Variants in POLE observed in about 807,000 individuals in gnomAD.
POLE encodes DNA polymerase epsilon, catalytic subunit.
A neutral mutation model predicts 279.2 loss-of-function variants in POLE; 188 were observed. That is an observed-to-expected ratio of 0.67 (90% CI 0.60 to 0.76). POLE has a LOEUF of 0.76. Among genes scored for constraint, POLE ranks in the 30% least tolerant of loss-of-function variants. The pLI is 0.00. For missense variants in POLE, 2,703 were observed against 3,016.7 expected (o/e 0.90, Z 2.44); for synonymous variants, 1,214 against 1,172.5 (o/e 1.04, Z -0.72).
chr12:132,625,071 C>T (rs959156156), intron 47 of POLE, 77 bp from the exon 48 acceptor site: 7 of 1,078,048 alleles, frequency 6.5e-6, no homozygotes, highest in African/African-American at 4.6e-5. Context: ...CACAGGCTCG[C>T]GAGACACATT....
chr12:132,627,953 A>G (rs1402263632), intron 45 of POLE, among the ~76,000 whole-genome samples: 1 of 152,250 alleles, frequency 6.6e-6, no homozygotes, highest in Non-Finnish European at 1.5e-5. Flanking sequence ...TCAAAATTGG[A>G]GTCGGTCCTC....
chr12:132,626,374 GTCTGGACCAGAACCC>G, intron 45 of POLE, 57 bp from the exon 46 acceptor site: 4 of 1,539,572 alleles, frequency 2.6e-6, no homozygotes, highest in Non-Finnish European at 3.6e-6. Context: ...CTGCTGCTCT[GTCTGGACCAGAACCC>G]TCTGGACCTT....
rs770897258 is a variant in POLE, at chr12:132,687,317, G to A, written c.-2C>T. 2 of 1,500,656 alleles carry A rather than the reference G, an allele frequency of 1.3e-6. No individual in the cohort carries two copies. The highest frequency in any genetic ancestry group is 1.2e-5 in the South Asian group (1 of 80,212). The allele number at this position is 1,500,656 out of a possible 1,614,324, so 93.0% of individuals were successfully genotyped here. Reference sequence around the variant, plus strand: ...CCGCCCGCCGCTCCTCAGAGACATGGAGCCGTTGGCTACCACCTCTGCTTC... The same window carrying A: ...CCGCCCGCCGCTCCTCAGAGACATGAAGCCGTTGGCTACCACCTCTGCTTC... On this transcript the variant is annotated 5_prime_UTR_variant, in exon 1 of 49. Transcript: ENST00000320574.
intron 41 of POLE, among the ~76,000 whole-genome samples, chr12:132,637,487 A>C (rs148400636): frequency 1.3e-5 from 2 of 152,326 alleles, no homozygotes; most frequent in African/African-American, 4.8e-5. Flanking sequence ...TTTAGATTTA[A>C]ATAGTGCTGA....
At position 132,638,931 on chromosome 12, in the gene POLE, C is replaced by A. The variant is rs141799687; in HGVS notation, c.5552+194G>T. ...GAGAGGAGGTGCCACCTAGTGTTCT[C>A]TGCAGGATGTGCAGGCGACGCTGCA... On this transcript the variant is annotated intron_variant, in intron 40 of 48. Transcript: ENST00000320574. The A allele has an allele frequency of 8.4e-6, 5 of 596,412 alleles. No individual in the cohort carries two copies. The East Asian group carries it at 1.4e-4, about 17-fold the overall frequency. The allele number at this position is 596,412 out of a possible 1,614,324, so 36.9% of individuals were successfully genotyped here. A position where few individuals can be genotyped will look rare whatever the true frequency, so the allele number is the denominator to read the frequency against.
chr12:132,649,222 T>C, intron 31 of POLE, 84 bp downstream of exon 31: 1 of 1,528,090 alleles, frequency 6.5e-7, no homozygotes, highest in South Asian at 1.2e-5. Flanking sequence ...AACCCTCCCA[T>C]CCCAGACCTC....
chr12:132,680,715 C>T (rs1303979863), intron 2 of POLE, 28 bp from the exon 3 acceptor site: 1 of 1,540,874 alleles, frequency 6.5e-7, no homozygotes, highest in Admixed American at 1.7e-5. Flanking sequence ...AACACAGACA[C>T]AAGACCATCC....
At chr12:132,641,124 A>G in intron 39 of POLE, 1 of 453,354 alleles carries the variant, frequency 2.2e-6, no homozygotes, top group South Asian at 1.6e-5. Context: ...TGATGTGGGG[A>G]CAGAGGCAGA....
Position 132,667,551 on chromosome 12 carries a change from G to A in POLE, c.2271C>T (p.Thr757=), listed in dbSNP as rs765532123. The stretch of plus-strand genomic sequence containing the variant: ...AACGCCTGTCCCGGAAGGCACGCAC[G>A]GTGTCCACGTAGAAGGAGTTTTCCC... ...CQRENSFYVD[T]VRAFRDRRYE... The change falls in exon 20 of 49, where the codon ACC becomes ACT. Residue 757 remains threonine (T), a synonymous_variant. Transcript: ENST00000320574. 2.2e-5 allele frequency: 36 copies of A among 1,613,770 alleles called. No individual in the cohort carries two copies. In the Admixed American group the frequency reaches 2.3e-4, roughly 10 times the overall value.
At chr12:132,679,401 C>A in intron 6 of POLE, 96 bp downstream of exon 6, 5 of 1,236,214 alleles carry the variant, frequency 4.0e-6, no homozygotes, top group Non-Finnish European at 5.7e-6. Context: ...CAAACAGAGC[C>A]AGCCATTAAG....
At chr12:132,676,306 A>G in intron 9 of POLE, 102 bp from the exon 10 acceptor site, 1 of 826,068 alleles carries the variant, frequency 1.2e-6, no homozygotes, top group Non-Finnish European at 2.0e-6. Context: ...TCTCACTACA[A>G]AGAAGTCCAC....
chr12:132,649,814 G>C lies in POLE; in HGVS notation c.3658C>G (p.Leu1220Val). The C allele has an allele frequency of 6.2e-7, 1 of 1,614,188 alleles. No homozygotes were observed. The highest frequency in any genetic ancestry group is 1.1e-5 in the South Asian group (1 of 91,086). ...GTGACAGGGGCTGCTGGGTGAGGCA[G>C]CTTTACGAGGCCGAAGTCCTCCATG... ...PDMEDFGLVK[L>V]PHPAAPVTVK... The change falls in exon 30 of 49, where the codon CTG (leucine) becomes GTG (valine). Residue 1220 changes from leucine (L) to valine (V), a missense_variant. By Grantham distance (32) the Leu-to-Val change is conservative. Coordinates refer to ENST00000320574, the MANE Select transcript of POLE (RefSeq NM_006231.4).
At chr12:132,687,233 C>T in intron 1 of POLE, 21 bp downstream of exon 1, 3 of 1,469,970 alleles carry the variant, frequency 2.0e-6, no homozygotes, top group Non-Finnish European at 2.7e-6. Flanking sequence ...GGCCCGAGAG[C>T]CTCAGGAGGG....
rs141477185 is a variant in POLE at position 132,668,333 on chromosome 12, C to T, written c.2173+23G>A. ...GGAGCAGGAGCCACATCTTTACAGC[C>T]GTGACCATGCCCAGGCACTCACCCG... On this transcript the variant is annotated intron_variant, in intron 19 of 48. Coordinates refer to ENST00000320574, the MANE Select transcript of POLE (RefSeq NM_006231.4). This position sits in a 1 kb window ranked among gnomAD's most constrained non-coding sequence, Gnocchi z 4.0. 30 of 1,545,430 alleles carry T rather than the reference C, an allele frequency of 1.9e-5. No homozygotes were observed. The highest frequency in any genetic ancestry group is 4.0e-4 in the Middle Eastern group (2 of 4,954).
At chr12:132,669,417 T>C (rs937397078) in intron 16 of POLE, among the ~76,000 whole-genome samples, 18 of 151,650 alleles carry the variant, frequency 1.2e-4, no homozygotes, top group African/African-American at 2.7e-4. Context: ...TGAGCCCAGA[T>C]TGCACCACTG....
chr12:132,661,561 C>G lies in POLE; in HGVS notation c.2830G>C (p.Ala944Pro), dbSNP rs1190451103. ...AATTTCTTGCCTTCTTCCTTGGAGG[C>G]TGGAAGAATCATGGCAAGGTAGGGC... ...DGPYLAMILP[A>P]SKEEGKKLKK... The change falls in exon 24 of 49, where the codon GCC (alanine) becomes CCC (proline). Residue 944 changes from alanine to proline, a missense_variant. Physicochemically the swap from Ala to Pro is conservative, Grantham distance 27. Around this residue, in one of 5 missense-constraint regions of POLE, gnomAD observed 101 missense variants for 115.4 expected, o/e 0.87. Coordinates refer to ENST00000320574, the MANE Select transcript of POLE (RefSeq NM_006231.4). The surrounding 1 kb of genome is among the most constrained non-coding windows in gnomAD (Gnocchi z 4.1). The G allele has an allele frequency of 6.2e-7, 1 of 1,614,052 alleles. No individual in the cohort carries two copies. The highest frequency in any genetic ancestry group is 2.2e-5 in the East Asian group (1 of 44,898).
At chr12:132,657,828 T>C in intron 27 of POLE, 40 bp downstream of exon 27, 1 of 1,368,850 alleles carries the variant, frequency 7.3e-7, no homozygotes, top group Admixed American at 1.7e-5. Flanking sequence ...CTAGCTTTCC[T>C]TGTAAACTTT....
In POLE at chr12:132,665,372, G is replaced by A. The variant is rs1333910199; in HGVS notation, c.2398C>T (p.Leu800=). The change falls in exon 21 of 49, where the codon CTG becomes TTG. Residue 800 remains leucine, a synonymous_variant. Coordinates refer to ENST00000320574, the MANE Select transcript of POLE (RefSeq NM_006231.4). ...EVKRCKNMEV[L]YDSLQLAHKC... is the part of the protein sequence containing the mutation. ...TGGGCCAGCTGCAGCGAGTCATACA[G>A]CACCTCCATGTTCTTGCAGCGCTTC... 6.2e-7 allele frequency: 1 copy of A among 1,613,746 alleles called. No individual in the cohort carries two copies. Among genetic ancestry groups the A allele is most frequent in the East Asian group, 2.2e-5 (1 of 44,884 alleles).
At chr12:132,667,440 A>C (rs2135968547) in intron 20 of POLE, 63 bp downstream of exon 20, 1 of 1,563,744 alleles carries the variant, frequency 6.4e-7, no homozygotes, top group Non-Finnish European at 8.8e-7. Context: ...AAGAGTGCCC[A>C]CTTCATGAGC....
Sources: gnomAD v4.1 joint callset for allele counts (sites outside exome capture counted in the v4.1 genomes callset) on GRCh38, gnomAD v4.1.1 for gene constraint, gnomAD v4.1.1 regional missense constraint, Gnocchi (gnomAD v3.1) non-coding constraint, MANE v1.5 for transcripts, NCBI Gene and HGNC (gene_info 2026-07-23, HGNC 2026-07-21) for gene names.